ITCH: variants seen among roughly 807,000 people sequenced by gnomAD.
ITCH encodes itchy E3 ubiquitin protein ligase, also known as E3 ubiquitin-protein ligase Itchy homolog.
In ITCH, 28 loss-of-function variants were observed where a neutral mutation model predicts 126.8. The observed-to-expected ratio is 0.22, with a 90% CI of 0.16 to 0.30. The LOEUF is 0.30. Among genes scored for constraint, ITCH ranks in the 10% least tolerant of loss-of-function variants. The pLI is 1.00. For missense variants in ITCH, 631 were observed against 1,032.4 expected, an observed-to-expected ratio of 0.61 and a Z score of 5.33; for synonymous variants, 342 against 340.0, an observed-to-expected ratio of 1.01 and a Z score of -0.06.
chr20:34,381,764 T>G lies in ITCH; in HGVS notation c.-21-12027T>G, dbSNP rs151247310. Among the ~76,000 whole-genome samples the G allele has an allele frequency of 2.3e-4, 34 of 150,990 alleles. No individual in the cohort carries two copies. The East Asian group carries it at 4.3e-3, about 19-fold the overall frequency. The stretch of plus-strand genomic sequence containing the variant: ...GTAGTCCCAGCTATTTGGGGGAGAA[T>G]GAGGCAGTAGGATCCCTTGAGCCCA... On this transcript the variant is annotated intron_variant, in intron 2 of 24. Transcript: ENST00000374864.
At chr20:34,386,145 C>T (rs540159678) in intron 2 of ITCH, among the ~76,000 whole-genome samples, 18 of 151,058 alleles carry the variant, frequency 1.2e-4, no homozygotes, top group African/African-American at 1.7e-4. Flanking sequence ...CTTGATCTCT[C>T]GTCCAGGCTG....
chr20:34,413,534 A>G (rs1902492159), intron 5 of ITCH, among the ~76,000 whole-genome samples: 1 of 152,218 alleles, frequency 6.6e-6, no homozygotes, highest in Admixed American at 6.5e-5. Context: ...TGAATATGAA[A>G]CATTAGCATA....
rs533376328 is a variant in ITCH at position 34,451,684 on chromosome 20, A to G, written c.1210+2204A>G. Among the ~76,000 whole-genome samples the G allele has an allele frequency of 1.4e-3, 214 of 152,196 alleles. 3 individuals carry two copies. The highest frequency in any genetic ancestry group is 4.9e-3 in the African/African-American group (204 of 41,530). ...TTTATTTCTAGAGTTTCCCAGCTTT[A>G]TTTCTAGAGTTGTATGTCTTATGTT... On this transcript the variant is annotated intron_variant, in intron 12 of 24. Transcript: ENST00000374864.
intron 7 of ITCH, among the ~76,000 whole-genome samples, chr20:34,432,710 C>A (rs1000676944): frequency 1.3e-5 from 2 of 150,072 alleles, no homozygotes; most frequent in African/African-American, 4.9e-5. Flanking sequence ...ATCCCAGTAC[C>A]TTTGGGAGGC....
At chr20:34,482,671 CTA>C (rs1302214148) in intron 20 of ITCH, among the ~76,000 whole-genome samples, 1 of 152,202 alleles carries the variant, frequency 6.6e-6, no homozygotes, top group East Asian at 1.9e-4. Flanking sequence ...CGTTGAGTGT[CTA>C]TGGCTTTTCC....
intron 10 of ITCH, among the ~76,000 whole-genome samples, chr20:34,443,576 T>C (rs1984050943): frequency 6.6e-6 from 1 of 151,860 alleles, no homozygotes; most frequent in African/African-American, 2.4e-5. Flanking sequence ...GTAACAAACA[T>C]GGAAAAATAC....
intron 2 of ITCH, among the ~76,000 whole-genome samples, chr20:34,385,805 C>A (rs777753359): frequency 1.3e-5 from 2 of 152,124 alleles, no homozygotes; most frequent in African/African-American, 2.4e-5. Flanking sequence ...GGGAAAGGAG[C>A]TTTTAGTGTT....
intron 23 of ITCH, among the ~76,000 whole-genome samples, chr20:34,495,156 T>C (rs940820707): frequency 3.3e-5 from 5 of 150,046 alleles, no homozygotes; most frequent in Admixed American, 6.6e-5. Context: ...TCCCAGCTAC[T>C]TGGGAGGCTG....
At chr20:34,474,371 G>T (rs1006701726) in intron 16 of ITCH, among the ~76,000 whole-genome samples, 1 of 152,142 alleles carries the variant, frequency 6.6e-6, no homozygotes, top group Non-Finnish European at 1.5e-5. Flanking sequence ...GACTCTTAAC[G>T]AGCATGCTGT....
intron 6 of ITCH, among the ~76,000 whole-genome samples, chr20:34,422,899 A>G (rs926747625): frequency 1.3e-5 from 2 of 151,668 alleles, no homozygotes; most frequent in African/African-American, 4.9e-5. Context: ...GGTTCAAGTG[A>G]TTCTCTTGCC....
chr20:34,442,538 A>G (rs999584164), intron 10 of ITCH, among the ~76,000 whole-genome samples: 7 of 152,136 alleles, frequency 4.6e-5, no homozygotes, highest in African/African-American at 1.7e-4. Context: ...TATTTTATAG[A>G]AACAACATCT....
chr20:34,480,890 A>G lies in ITCH; in HGVS notation c.1952+158A>G, dbSNP rs117871708. Among the ~76,000 whole-genome samples, 813 of 152,344 alleles carry G rather than the reference A, an allele frequency of 5.3e-3. 4 individuals carry two copies. The highest frequency in any genetic ancestry group is 9.7e-3 in the Non-Finnish European group (660 of 68,018). On this transcript the variant is annotated intron_variant, in intron 19 of 24. Coordinates refer to ENST00000374864, the MANE Select transcript of ITCH (RefSeq NM_031483.7). Reference sequence around the variant, plus strand: ...TTTATTCAATATGATAAATTTTACAAAAATACACCCAAGATCTTCGGCAAT... The same window carrying G: ...TTTATTCAATATGATAAATTTTACAGAAATACACCCAAGATCTTCGGCAAT...
At chr20:34,493,717 A>G (rs1304612895) in intron 23 of ITCH, among the ~76,000 whole-genome samples, 1 of 152,238 alleles carries the variant, frequency 6.6e-6, no homozygotes, top group Admixed American at 6.5e-5. Flanking sequence ...GAACCTGCTG[A>G]ATTTAAGGTA....
At chr20:34,461,403 G>T (rs1341936789) in intron 13 of ITCH, among the ~76,000 whole-genome samples, 1 of 152,046 alleles carries the variant, frequency 6.6e-6, no homozygotes, top group Non-Finnish European at 1.5e-5. Context: ...AACGAGTTAG[G>T]TGGCTGTTCA....
rs1036945994 is a variant in ITCH at position 34,442,356 on chromosome 20, A to G, written c.965+53A>G. On this transcript the variant is annotated intron_variant, in intron 10 of 24. Transcript: ENST00000374864. The stretch of plus-strand genomic sequence containing the variant: ...TTTTATTTAGTCAGAATTGTGGATT[A>G]CAACTGTATAATCTTCCCTACATTT... 2.4e-6 allele frequency: 3 copies of G among 1,244,762 alleles called. No individual in the cohort carries two copies. In the African/African-American group the frequency reaches 4.5e-5, roughly 19 times the overall value. 77.1% of individuals were successfully genotyped at this position (1,244,762 alleles called of 1,614,324 possible).
chr20:34,469,254 C>T (rs1043328149), intron 14 of ITCH, among the ~76,000 whole-genome samples: 16 of 151,992 alleles, frequency 1.1e-4, no homozygotes, highest in African/African-American at 3.9e-4. Context: ...CACACACTCA[C>T]ACACTTTTTA....
At chr20:34,402,227 T>C (rs2038911813) in intron 3 of ITCH, 3 of 1,423,472 alleles carry the variant, frequency 2.1e-6, no homozygotes, top group Admixed American at 1.7e-5. Flanking sequence ...ATACATTCTT[T>C]AGGCCTTTCT....
intron 7 of ITCH, among the ~76,000 whole-genome samples, chr20:34,431,872 TCTA>T (rs1451954991): frequency 6.6e-6 from 1 of 151,968 alleles, no homozygotes; most frequent in Non-Finnish European, 1.5e-5. Context: ...AAACCCCATC[TCTA>T]CTAAAAATAC....
chr20:34,399,330 G>T (rs6088486), intron 3 of ITCH, among the ~76,000 whole-genome samples: 151,719 of 152,110 alleles, frequency 1, 75,664 homozygotes, highest in Middle Eastern at 1. Context: ...AGGCGGAGAT[G>T]GCGGTGAGCT....
Sources: allele counts gnomAD v4.1 joint callset (sites outside exome capture counted in the v4.1 genomes callset), GRCh38; gene constraint gnomAD v4.1.1; transcripts MANE v1.5; gene names NCBI Gene and HGNC (gene_info 2026-07-23, HGNC 2026-07-21).